The following ZFHX3 variants were observed in gnomAD, a reference collection of about 807,000 sequenced individuals.
The protein encoded by ZFHX3 is zinc finger homeobox protein 3.
Under a neutral mutation model 279.1 loss-of-function variants are expected in ZFHX3, and 42 were observed. That is an observed-to-expected ratio of 0.15 (90% CI 0.12 to 0.19). The LOEUF is 0.19. ZFHX3 is among the 10% of genes least tolerant of loss of function. The pLI is 1.00. For synonymous variants in ZFHX3, 2,293 were observed against 1,957.8 expected (o/e 1.17, Z -4.52); for missense variants, 4,981 against 4,754.0 (o/e 1.05, Z -1.40).
intron 2 of ZFHX3, among the ~76,000 whole-genome samples, chr16:73,456,793 A>T (rs1471253520): frequency 1.3e-5 from 2 of 152,232 alleles, no homozygotes; most frequent in Non-Finnish European, 2.9e-5. Context: ...CTGACTATTT[A>T]TTGAACACAG....
At chr16:73,801,014 CG>C (rs1881217275) in intron 1 of ZFHX3, among the ~76,000 whole-genome samples, 1 of 152,096 alleles carries the variant, frequency 6.6e-6, no homozygotes, top group Admixed American at 6.5e-5. Context: ...ATAACCTCCC[CG>C]TAATGAGCAA....
At chr16:73,278,877 T>C (rs962080191) in intron 4 of ZFHX3, among the ~76,000 whole-genome samples, 2 of 152,172 alleles carry the variant, frequency 1.3e-5, no homozygotes, top group Admixed American at 1.3e-4. Context: ...CATTTTACAA[T>C]CCTCTTGTAA....
intron 4 of ZFHX3, among the ~76,000 whole-genome samples, chr16:72,882,054 G>A (rs1382967940): frequency 6.6e-6 from 1 of 151,910 alleles, no homozygotes; most frequent in Non-Finnish European, 1.5e-5. Context: ...GGGGTCTCTG[G>A]CATACTCACA....
intron 2 of ZFHX3, among the ~76,000 whole-genome samples, chr16:73,562,335 C>A (rs1297988349): frequency 6.6e-6 from 1 of 152,110 alleles, no homozygotes; most frequent in African/African-American, 2.4e-5. Flanking sequence ...GTGGCTCACA[C>A]CTGTAATCCC....
chr16:72,870,129 G>A (rs1054887462), intron 4 of ZFHX3, among the ~76,000 whole-genome samples: 1 of 152,188 alleles, frequency 6.6e-6, no homozygotes, highest in Non-Finnish European at 1.5e-5. Flanking sequence ...TGGGCCAGGT[G>A]AGATGTAATC....
chr16:72,793,567 C>G lies in ZFHX3; in HGVS notation c.9115G>C (p.Val3039Leu), dbSNP rs1276362723. The G allele has an allele frequency of 6.2e-7, 1 of 1,614,218 alleles. No homozygotes were observed. Among genetic ancestry groups the G allele is most frequent in the South Asian group, 1.1e-5 (1 of 91,088 alleles). Residue 3039 changes from valine to leucine, a missense_variant, in exon 9 of 10, where the codon GTA (valine) becomes CTA (leucine). By Grantham distance (32) the Val-to-Leu change is conservative. This residue lies in a region of ZFHX3 where 168 missense variants were observed against 249.1 expected (regional missense o/e 0.67). Transcript: ENST00000268489. This position sits in a 1 kb window ranked among gnomAD's most constrained non-coding sequence, Gnocchi z 4.3. ...TGTTGGGAAAAGATATGGTCACGTA[C>G]AGACAGCCGAGCGCTGTACTTGATG... ...CGIKYSARLS[V>L]RDHIFSQQHI...
chr16:73,378,781 C>T (rs1010499382), intron 3 of ZFHX3, among the ~76,000 whole-genome samples: 1 of 152,178 alleles, frequency 6.6e-6, no homozygotes, highest in African/African-American at 2.4e-5. Context: ...ATTTTCTTTT[C>T]ACTTGCTCAG....
rs745760807 is a variant in ZFHX3, at chr16:72,798,131, C to G, written c.4551G>C (p.Ser1517=). 3 of 1,614,124 alleles carry G rather than the reference C, an allele frequency of 1.9e-6. No homozygotes were observed. Among genetic ancestry groups the G allele is most frequent in the Admixed American group, 1.7e-5 (1 of 60,016 alleles). The change falls in exon 9 of 10, where the codon TCG becomes TCC. Residue 1517 remains serine (S), a synonymous_variant. Transcript: ENST00000268489. ...GSDSGSVQED[S]GSEPKRALPF... ...GCAGAGCTCTCTTTGGCTCTGAGCCCGAGTCTTCTTGTACTGACCCAGAGT... is the reference window on the plus strand; with the variant it reads ...GCAGAGCTCTCTTTGGCTCTGAGCCGGAGTCTTCTTGTACTGACCCAGAGT...
intron 1 of ZFHX3, among the ~76,000 whole-genome samples, chr16:73,694,726 A>AT: frequency 6.6e-6 from 1 of 152,250 alleles, no homozygotes; most frequent in Non-Finnish European, 1.5e-5. Flanking sequence ...CCCTCTGTGC[A>AT]TTTTTCTAAG....
intron 7 of ZFHX3, 127 bp downstream of exon 7, chr16:72,811,450 G>C: frequency 9.7e-7 from 1 of 1,026,572 alleles, no homozygotes; most frequent in Non-Finnish European, 1.4e-6. Flanking sequence ...ACAGAACAAG[G>C]ACTGTTTTCT....
chr16:72,882,891 GAC>G (rs1007345036), intron 4 of ZFHX3, among the ~76,000 whole-genome samples: 2 of 151,828 alleles, frequency 1.3e-5, no homozygotes, highest in African/African-American at 4.8e-5. Context: ...TTCCAGAACA[GAC>G]ACTGAAGTGC....
intron 5 of ZFHX3, among the ~76,000 whole-genome samples, chr16:73,216,169 C>A (rs1035497889): frequency 6.6e-6 from 1 of 152,172 alleles, no homozygotes; most frequent in Non-Finnish European, 1.5e-5. Flanking sequence ...TTTCGGGAAG[C>A]TTTGTTACAC....
intron 3 of ZFHX3, among the ~76,000 whole-genome samples, chr16:73,417,498 C>T (rs2017615308): frequency 6.7e-6 from 1 of 149,538 alleles, no homozygotes; most frequent in African/African-American, 2.5e-5. Flanking sequence ...TCCTGAGTAC[C>T]TAGGATTCCA....
intron 1 of ZFHX3, among the ~76,000 whole-genome samples, chr16:73,687,229 A>C (rs974504139): frequency 6.6e-6 from 1 of 150,404 alleles, no homozygotes; most frequent in African/African-American, 2.4e-5. Context: ...TCTCTAAAAA[A>C]AAAAGTACAA....
chr16:73,774,867 G>C (rs1399122145), intron 1 of ZFHX3, among the ~76,000 whole-genome samples: 1 of 152,138 alleles, frequency 6.6e-6, no homozygotes, highest in East Asian at 1.9e-4. Context: ...AACCTTGCAT[G>C]AATTGCTCCT....
intron 2 of ZFHX3, among the ~76,000 whole-genome samples, chr16:73,640,995 ATCT>A (rs1252631288): frequency 6.6e-6 from 1 of 152,216 alleles, no homozygotes; most frequent in African/African-American, 2.4e-5. Flanking sequence ...AATGGCATCG[ATCT>A]TCTCAGCAGC....
intron 5 of ZFHX3, among the ~76,000 whole-genome samples, chr16:73,212,992 G>A (rs2012074010): frequency 6.6e-6 from 1 of 152,224 alleles, no homozygotes. Flanking sequence ...TAATCAAGAT[G>A]TTAATTATTA....
chr16:73,103,005 A>C (rs553082503), intron 7 of ZFHX3, among the ~76,000 whole-genome samples: 17 of 152,108 alleles, frequency 1.1e-4, no homozygotes, highest in Admixed American at 8.5e-4. Flanking sequence ...GCTCACTGCA[A>C]CCTGCACCTC....
chr16:73,172,076 C>A (rs1967540258), intron 5 of ZFHX3, among the ~76,000 whole-genome samples: 1 of 152,206 alleles, frequency 6.6e-6, no homozygotes, highest in Admixed American at 6.5e-5. Context: ...CATTTCCCAC[C>A]CCTCCTCCAC....
Sources: allele counts gnomAD v4.1 joint callset (sites outside exome capture counted in the v4.1 genomes callset), GRCh38; gene constraint gnomAD v4.1.1; regional missense constraint gnomAD v4.1.1; non-coding constraint Gnocchi (gnomAD v3.1); transcripts MANE v1.5; gene names NCBI Gene and HGNC (gene_info 2026-07-23, HGNC 2026-07-21).